APOLD1: variants seen among roughly 807,000 people sequenced by gnomAD.
The protein encoded by APOLD1 is apolipoprotein L domain containing 1.
Under a neutral mutation model 15.3 loss-of-function variants are expected in APOLD1, and 22 were observed. That is an observed-to-expected ratio of 1.44 (90% CI 1.03 to 2.05). The LOEUF (loss-of-function observed/expected upper bound fraction) is 2.05. APOLD1 is among the 30% of genes most tolerant of loss of function. APOLD1 has a pLI of 0.00. For missense variants in APOLD1, 394 were observed against 353.5 expected (o/e 1.11, Z -0.92); for synonymous variants, 190 against 167.4 (o/e 1.13, Z -1.04).
At chr12:12,742,434 G>A (rs1946735291) in intron 1 of APOLD1, among the ~76,000 whole-genome samples, 1 of 152,168 alleles carries the variant, frequency 6.6e-6, no homozygotes, top group South Asian at 2.1e-4. Context: ...TATCGATTCA[G>A]GCATTTCTCA....
At chr12:12,730,779 G>A (rs1370544426) in intron 1 of APOLD1, among the ~76,000 whole-genome samples, 5 of 147,428 alleles carry the variant, frequency 3.4e-5, no homozygotes, top group Non-Finnish European at 7.4e-5. Flanking sequence ...AAAAGTATTC[G>A]ATGGAATAAT....
chr12:12,766,172 T>A (rs1946941596), intron 1 of APOLD1, among the ~76,000 whole-genome samples: 1 of 152,192 alleles, frequency 6.6e-6, no homozygotes, highest in Non-Finnish European at 1.5e-5. Flanking sequence ...GCTTCACAGA[T>A]CCTGAGTTCC....
At chr12:12,770,191 C>T (rs771114368) in intron 1 of APOLD1, among the ~76,000 whole-genome samples, 3 of 152,072 alleles carry the variant, frequency 2.0e-5, no homozygotes, top group Admixed American at 6.6e-5. Flanking sequence ...GGGCAGATCA[C>T]GAAGTCAGTT....
In APOLD1 at chr12:12,788,177, G is replaced by A. The variant is rs1023845595; in HGVS notation, c.*525G>A. ...TGTAGGATGGTTCAGAACCCAGAGA[G>A]GACCCTGGTGCTGATATCTCCTCCT... On this transcript the variant is annotated 3_prime_UTR_variant, in exon 2 of 2. Transcript: ENST00000356591. 1 of 153,096 alleles carries A rather than the reference G, an allele frequency of 6.5e-6. No homozygotes were observed. Among genetic ancestry groups the A allele is most frequent in the African/African-American group, 2.4e-5 (1 of 41,438 alleles). 9.5% of individuals were successfully genotyped at this position (153,096 alleles called of 1,614,324 possible). A position where few individuals can be genotyped will look rare whatever the true frequency, so the allele number is the denominator to read the frequency against.
At chr12:12,769,429 T>TG (rs1946968485) in intron 1 of APOLD1, among the ~76,000 whole-genome samples, 2 of 152,104 alleles carry the variant, frequency 1.3e-5, no homozygotes, top group South Asian at 4.1e-4. Context: ...AGTGCTGGAG[T>TG]GGGAAAACCT....
chr12:12,749,702 T>C (rs1946794004), intron 1 of APOLD1, among the ~76,000 whole-genome samples: 1 of 152,176 alleles, frequency 6.6e-6, no homozygotes, highest in African/African-American at 2.4e-5. Context: ...AAGTGGCCCA[T>C]GGGAAACCTG....
chr12:12,787,783 T>G lies in APOLD1; in HGVS notation c.*131T>G, dbSNP rs1947145957. On this transcript the variant is annotated 3_prime_UTR_variant, in exon 2 of 2. Transcript: ENST00000356591. The surrounding 1 kb of genome is among the most constrained non-coding windows in gnomAD (Gnocchi z 4.9). ...GGCAAAGGATGAGAAAAACTGTTTT[T>G]GAAGTGGGCAGGTCCCCAAAGCCCT... 7.4e-7 allele frequency: 1 copy of G among 1,348,994 alleles called. No homozygotes were observed. Among genetic ancestry groups the G allele is most frequent in the African/African-American group, 1.5e-5 (1 of 68,314 alleles). The allele number at this position is 1,348,994 out of a possible 1,614,324, so 83.6% of individuals were successfully genotyped here. A position where few individuals can be genotyped will look rare whatever the true frequency, so the allele number is the denominator to read the frequency against.
Position 12,787,831 on chromosome 12 carries a change from C to G in APOLD1, c.*179C>G. On this transcript the variant is annotated 3_prime_UTR_variant, in exon 2 of 2. Transcript: ENST00000356591. This position sits in a 1 kb window ranked among gnomAD's most constrained non-coding sequence, Gnocchi z 4.9. ...CCTTCTTTTCCCATCACTGTGACAT[C>G]TGCCTGGGCTTGAGTGCTACGGACT... The G allele has an allele frequency of 1.2e-6, 1 of 852,904 alleles. No individual in the cohort carries two copies. Among genetic ancestry groups the G allele is most frequent in the Non-Finnish European group, 1.7e-6 (1 of 573,160 alleles). 52.8% of individuals were successfully genotyped at this position (852,904 alleles called of 1,614,324 possible).
intron 1 of APOLD1, among the ~76,000 whole-genome samples, chr12:12,750,434 T>C (rs1334610379): frequency 1.3e-5 from 2 of 151,642 alleles, no homozygotes; most frequent in East Asian, 3.9e-4. Context: ...CTTTGAATTT[T>C]AACCCACACA....
At chr12:12,730,077 T>TGTGA (rs1300290267) in intron 1 of APOLD1, among the ~76,000 whole-genome samples, 6 of 81,606 alleles carry the variant, frequency 7.4e-5, no homozygotes, top group Admixed American at 2.6e-4. Flanking sequence ...TGTGTGTGTG[T>TGTGA]GAGAGAGAGA....
At chr12:12,783,642 T>C (rs1947102810), upstream of APOLD1, among the ~76,000 whole-genome samples, 1 of 150,002 alleles carries the variant, frequency 6.7e-6, no homozygotes, top group Non-Finnish European at 1.5e-5. Context: ...TTTTTTTTTT[T>C]TTGCTTTTTT....
Position 12,769,167 on chromosome 12 carries a change from G to A in APOLD1, c.97-17742G>A, listed in dbSNP as rs910974515. Among the ~76,000 whole-genome samples, 7 of 148,586 alleles carry A rather than the reference G, an allele frequency of 4.7e-5. 1 individual carries two copies. The highest frequency in any genetic ancestry group is 1.5e-4 in the African/African-American group (6 of 39,862). On this transcript the variant is annotated intron_variant, in intron 1 of 1. Coordinates refer to the APOLD1 transcript ENST00000326765. The stretch of plus-strand genomic sequence containing the variant: ...CACTTGAGCCTAGGCAATTAAGGCT[G>A]CAGTGGGCCATGATTATACCACTGC...
chr12:12,786,941 T>A lies in APOLD1; in HGVS notation c.36T>A (p.His12Gln). Reference protein sequence around the residue: ...GMERPAAREPHGPDALRRFQG... With the variant: ...GMERPAAREPQGPDALRRFQG... ...AGAGGCCGGCGGCCCGGGAGCCGCA[T>A]GGGCCCGACGCGCTGCGGCGCTTCC... The change falls in exon 2 of 2, where the codon CAT becomes CAA. Residue 12 changes from histidine to glutamine, a missense_variant. His to Gln is a conservative substitution (Grantham distance 24, BLOSUM62 0). Transcript: ENST00000356591. 6.9e-7 allele frequency: 1 copy of A among 1,458,766 alleles called. No homozygotes were observed. The highest frequency in any genetic ancestry group is 9.0e-7 in the Non-Finnish European group (1 of 1,113,894). The allele number at this position is 1,458,766 out of a possible 1,614,324, so 90.4% of individuals were successfully genotyped here.
At chr12:12,771,273 G>A (rs1462280425) in intron 1 of APOLD1, 1 of 178,868 alleles carries the variant, frequency 5.6e-6, no homozygotes, top group African/African-American at 2.4e-5. Context: ...TATTAGAGCA[G>A]ATTTTGTGTA....
intron 1 of APOLD1, among the ~76,000 whole-genome samples, chr12:12,744,799 C>T (rs1946753306): frequency 6.6e-6 from 1 of 152,218 alleles, no homozygotes; most frequent in South Asian, 2.1e-4. Flanking sequence ...GGCTCCTGGC[C>T]TCCTCTTGCC....
intron 1 of APOLD1, among the ~76,000 whole-genome samples, chr12:12,761,356 A>G (rs1946897096): frequency 6.6e-6 from 1 of 152,204 alleles, no homozygotes; most frequent in Admixed American, 6.5e-5. Flanking sequence ...TGGTCTAAAC[A>G]TGCTTATTTG....
intron 1 of APOLD1, among the ~76,000 whole-genome samples, chr12:12,739,963 T>C (rs1270420926): frequency 6.7e-6 from 1 of 149,822 alleles, no homozygotes; most frequent in Non-Finnish European, 1.5e-5. Context: ...ACTACAGGTG[T>C]GCACTGCCAC....
chr12:12,787,893 C>T lies in APOLD1; in HGVS notation c.*241C>T. On this transcript the variant is annotated 3_prime_UTR_variant, in exon 2 of 2. Coordinates refer to ENST00000356591, the MANE Select transcript of APOLD1 (RefSeq NM_030817.3). This position sits in a 1 kb window ranked among gnomAD's most constrained non-coding sequence, Gnocchi z 4.9. ...CTAGTGGAAAAATGTGACCCAAAAA[C>T]TCTTTTTCCTTTATCAAAAACTTTC... The T allele has an allele frequency of 3.7e-6, 2 of 536,630 alleles. No homozygotes were observed. Among genetic ancestry groups the T allele is most frequent in the Non-Finnish European group, 6.3e-6 (2 of 318,174 alleles). The allele number at this position is 536,630 out of a possible 1,614,324, so 33.2% of individuals were successfully genotyped here.
intron 1 of APOLD1, among the ~76,000 whole-genome samples, chr12:12,755,273 A>G (rs992872684): frequency 6.6e-6 from 1 of 152,224 alleles, no homozygotes; most frequent in Non-Finnish European, 1.5e-5. Context: ...AGCTCACTTC[A>G]TATAACAAAA....
Sources: allele counts gnomAD v4.1 joint callset (sites outside exome capture counted in the v4.1 genomes callset), GRCh38; gene constraint gnomAD v4.1.1; non-coding constraint Gnocchi (gnomAD v3.1); transcripts MANE v1.5; gene names NCBI Gene and HGNC (gene_info 2026-07-23, HGNC 2026-07-21).